The following PVR variants were observed in gnomAD, a reference collection of about 807,000 sequenced individuals.
PVR encodes PVR cell adhesion molecule, also known as poliovirus receptor.
In PVR, 39 loss-of-function variants were observed where a neutral mutation model predicts 43.3. That is an observed-to-expected ratio of 0.90 (90% CI 0.70 to 1.18). The LOEUF (loss-of-function observed/expected upper bound fraction) is 1.18, where lower values mean the gene tolerates loss of function less well. Among genes scored for constraint, PVR ranks in the 50% most tolerant of loss-of-function variants. The pLI is 0.00. For missense variants in PVR, 480 were observed against 549.7 expected, an observed-to-expected ratio of 0.87 and a Z score of 1.27; for synonymous variants, 224 against 233.2, an observed-to-expected ratio of 0.96 and a Z score of 0.36.
At chr19:44,646,863 T>C (rs1160344893) in intron 1 of PVR, among the ~76,000 whole-genome samples, 1 of 152,256 alleles carries the variant, frequency 6.6e-6, no homozygotes, top group Non-Finnish European at 1.5e-5. Context: ...CACTGAACTG[T>C]ATGCTTTAAA....
intron 5 of PVR, 32 bp from the exon 6 acceptor site, chr19:44,658,710 C>T: frequency 6.4e-7 from 1 of 1,556,030 alleles, no homozygotes; most frequent in Non-Finnish European, 8.8e-7. Flanking sequence ...CAAGAGTTTC[C>T]TTACCTAAAT....
chr19:44,653,791 C>G (rs1000114397), intron 3 of PVR, 109 bp from the exon 4 acceptor site: 5 of 764,544 alleles, frequency 6.5e-6, no homozygotes, highest in Non-Finnish European at 1.1e-5. Context: ...CCAGCTCCCG[C>G]TGTTTTCCAA....
chr19:44,660,639 C>G (rs569094902), intron 6 of PVR, among the ~76,000 whole-genome samples: 12 of 152,260 alleles, frequency 7.9e-5, no homozygotes, highest in South Asian at 4.1e-4. Flanking sequence ...TCTCCCACCT[C>G]AGCCTCTCGA....
In PVR at chr19:44,664,179, G is replaced by C. The variant is rs2123776301; in HGVS notation, c.*2368G>C. On this transcript the variant is annotated 3_prime_UTR_variant, in exon 8 of 8. Transcript: ENST00000425690. Reference sequence around the variant, plus strand: ...AATTATACCAAAAAACCATTGAATAGTGCACTTTATTTATTTATTTATTTG... The same window carrying C: ...AATTATACCAAAAAACCATTGAATACTGCACTTTATTTATTTATTTATTTG... The C allele has an allele frequency of 6.6e-6, 1 of 151,916 alleles. No homozygotes were observed. Among genetic ancestry groups the C allele is most frequent in the Non-Finnish European group, 1.5e-5 (1 of 67,942 alleles). 9.4% of individuals were successfully genotyped at this position (151,916 alleles called of 1,614,324 possible). A position where few individuals can be genotyped will look rare whatever the true frequency, so the allele number is the denominator to read the frequency against.
rs1359607610 is a variant in PVR at position 44,647,363 on chromosome 19, A to C, written c.220A>C (p.Ser74Arg). ...LTWARHGESG[S>R]MAVFHQTQGP... is the part of the protein sequence containing the mutation. ...TTGGGCGCGGCATGGTGAATCTGGC[A>C]GCATGGCCGTCTTCCACCAAACGCA... The change falls in exon 2 of 8, where the codon AGC (serine) becomes CGC (arginine). Residue 74 changes from serine (S) to arginine (R), a missense_variant. Coordinates refer to ENST00000425690, the MANE Select transcript of PVR (RefSeq NM_006505.5). 9 of 1,613,806 alleles carry C rather than the reference A, an allele frequency of 5.6e-6. No homozygotes were observed. Among genetic ancestry groups the C allele is most frequent in the Non-Finnish European group, 7.6e-6 (9 of 1,179,944 alleles).
intron 6 of PVR, among the ~76,000 whole-genome samples, chr19:44,659,451 G>A (rs971327521): frequency 6.6e-6 from 1 of 151,924 alleles, no homozygotes. Context: ...TAACCCCCTC[G>A]ATTTTAATTT....
rs1412998383 is a variant in PVR, at chr19:44,645,443, A to ATATATATATATATATAT, written c.79+1270_79+1271insTATATATATATATATTA. Among the ~76,000 whole-genome samples the ATATATATATATATATAT allele has an allele frequency of 2.9e-3, 338 of 115,560 alleles. 3 individuals are homozygous for ATATATATATATATATAT. Among genetic ancestry groups the ATATATATATATATATAT allele is most frequent in the Non-Finnish European group, 4.6e-3 (279 of 60,010 alleles). The allele number at this position is 115,560 out of a possible 152,430, so 75.8% of individuals were successfully genotyped here. On this transcript the variant is annotated intron_variant, in intron 1 of 7. Coordinates refer to ENST00000425690, the MANE Select transcript of PVR (RefSeq NM_006505.5). ...TATATATATATATATATATATATAT[A>ATATATATATATATATAT]TAGTGCGTGTGTGCGTGTATGTGTG...
At chr19:44,661,540 C>T (rs1973589987) in intron 7 of PVR, among the ~76,000 whole-genome samples, 200 bp from the exon 8 acceptor site, 1 of 152,104 alleles carries the variant, frequency 6.6e-6, no homozygotes, top group African/African-American at 2.4e-5. Context: ...AGGGAATCTG[C>T]ATTTTAATAT....
At chr19:44,660,045 C>T (rs1002715456) in intron 6 of PVR, among the ~76,000 whole-genome samples, 15 of 152,302 alleles carry the variant, frequency 9.8e-5, no homozygotes, top group African/African-American at 3.6e-4. Flanking sequence ...ATGAGCCAAG[C>T]ATCCACTAGG....
At position 44,657,821 on chromosome 19, in the gene PVR, C is replaced by T. The variant is rs540144767; in HGVS notation, c.902C>T (p.Pro301Leu). The T allele has an allele frequency of 1.9e-6, 3 of 1,614,078 alleles. No individual in the cohort carries two copies. The Admixed American group carries it at 5.0e-5, about 27-fold the overall frequency. ...CAGGGCGCCCAGCTCCTGATCCGTCCTGTGGACAAACCAATCAACACAACT... is the reference window on the plus strand; with the variant it reads ...CAGGGCGCCCAGCTCCTGATCCGTCTTGTGGACAAACCAATCAACACAACT... The part of the protein sequence containing the change: ...VAQGAQLLIR[P>L]VDKPINTTLI... The change falls in exon 5 of 8, where the codon CCT (proline) becomes CTT (leucine). Residue 301 changes from proline (P) to leucine (L), a missense_variant. Pro to Leu is a moderately conservative substitution (Grantham distance 98). Coordinates refer to ENST00000425690, the MANE Select transcript of PVR (RefSeq NM_006505.5).
In PVR at chr19:44,661,747, C is replaced by G. The variant is rs772962618; in HGVS notation, c.1190C>G (p.Ser397Cys). Residue 397 changes from serine (S) to cysteine (C), a missense_variant, in exon 8 of 8, where the codon TCC becomes TGC. Physicochemically the swap from Ser to Cys is moderately radical, Grantham distance 112. Coordinates refer to ENST00000425690, the MANE Select transcript of PVR (RefSeq NM_006505.5). Reference protein sequence around the residue: ...HASASANGHVSYSAVSRENSS... With the variant: ...HASASANGHVCYSAVSRENSS... ...TTGAAAACCCTCTTCTAGCATGTCT[C>G]CTATTCAGCTGTGAGCAGAGAGAAC... 6.2e-7 allele frequency: 1 copy of G among 1,614,036 alleles called. No homozygotes were observed. Among genetic ancestry groups the G allele is most frequent in the Non-Finnish European group, 8.5e-7 (1 of 1,179,956 alleles).
intron 4 of PVR, among the ~76,000 whole-genome samples, chr19:44,657,109 C>T (rs541783613): frequency 7.9e-5 from 12 of 152,228 alleles, no homozygotes; most frequent in African/African-American, 2.6e-4. Context: ...GTGAGCTCTG[C>T]GGGTGCCTAG....
chr19:44,658,385 AT>A (rs1973509323), intron 5 of PVR, among the ~76,000 whole-genome samples: 1 of 152,314 alleles, frequency 6.6e-6, no homozygotes, highest in African/African-American at 2.4e-5. Context: ...CTGAAGCAAG[AT>A]GGCCCTCGGC....
At chr19:44,651,246 T>C (rs545800424) in intron 3 of PVR, among the ~76,000 whole-genome samples, 4 of 152,262 alleles carry the variant, frequency 2.6e-5, no homozygotes, top group South Asian at 2.1e-4. Flanking sequence ...CCCCATTGTC[T>C]ACACCACCTA....
intron 1 of PVR, 111 bp downstream of exon 1, chr19:44,644,286 C>G: frequency 1.3e-6 from 1 of 761,540 alleles, no homozygotes; most frequent in Non-Finnish European, 2.0e-6. Context: ...CCCGGCGCCA[C>G]CCACCCCCCA....
At chr19:44,646,490 T>G (rs1245002604) in intron 1 of PVR, among the ~76,000 whole-genome samples, 2 of 152,074 alleles carry the variant, frequency 1.3e-5, no homozygotes, top group African/African-American at 4.8e-5. Context: ...CTGGGCCAGG[T>G]GCGGTGGCTC....
intron 1 of PVR, among the ~76,000 whole-genome samples, chr19:44,645,007 A>C (rs1488691481): frequency 5.2e-5 from 6 of 114,612 alleles, no homozygotes; most frequent in African/African-American, 2.0e-4. Flanking sequence ...ATATAATAAA[A>C]ATATATAATA....
At chr19:44,649,676 C>A in intron 2 of PVR, 133 bp from the exon 3 acceptor site, 2 of 904,172 alleles carry the variant, frequency 2.2e-6, no homozygotes, top group South Asian at 3.3e-5. Context: ...CCACCTCAGC[C>A]CCCCAAAGTT....
intron 4 of PVR, among the ~76,000 whole-genome samples, chr19:44,654,852 A>G (rs1048542823): frequency 6.6e-6 from 1 of 151,772 alleles, no homozygotes; most frequent in Non-Finnish European, 1.5e-5. Flanking sequence ...AAGATTGGAC[A>G]CCCCCACTCT....
Sources: gnomAD v4.1 joint callset for allele counts (sites outside exome capture counted in the v4.1 genomes callset) on GRCh38, gnomAD v4.1.1 for gene constraint, MANE v1.5 for transcripts, NCBI Gene and HGNC (gene_info 2026-07-23, HGNC 2026-07-21) for gene names.